Variants in TRPC4 observed in about 807,000 individuals in gnomAD.
The protein encoded by TRPC4 is transient receptor potential cation channel subfamily C member 4.
A neutral mutation model predicts 99.4 loss-of-function variants in TRPC4; 49 were observed. That is an observed-to-expected ratio of 0.49 (90% CI 0.39 to 0.63). The LOEUF (loss-of-function observed/expected upper bound fraction) is 0.63, where lower values mean the gene tolerates loss of function less well. TRPC4 is among the 20% of genes least tolerant of loss of function. The probability of loss-of-function intolerance (pLI) is 0.00; values close to 1 mark genes in which losing one functional copy is unlikely to be tolerated. For synonymous variants in TRPC4, 454 were observed against 425.9 expected (o/e 1.07, Z -0.81); for missense variants, 898 against 1,152.9 (o/e 0.78, Z 3.20).
chr13:37,847,633 T>C (rs930392747), intron 1 of TRPC4, among the ~76,000 whole-genome samples: 1 of 152,104 alleles, frequency 6.6e-6, no homozygotes, highest in African/African-American at 2.4e-5. Context: ...CCCATGAATA[T>C]GTACAATTCT....
chr13:37,848,072 C>A lies in TRPC4; in HGVS notation c.-28+21523G>T, dbSNP rs193289872. Among the ~76,000 whole-genome samples the A allele has an allele frequency of 9.2e-5, 14 of 152,182 alleles. 1 individual carries two copies. The East Asian group carries it at 2.7e-3, about 29-fold the overall frequency. ...ATTTTTCAACTTTACATGAGTTTGC[C>A]TTTTAGATTTACAATATTTTCAACT... is the stretch of plus-strand genomic sequence containing the variant. On this transcript the variant is annotated intron_variant, in intron 1 of 10. Transcript: ENST00000379705.
rs557676006 is a variant in TRPC4 at position 37,641,167 on chromosome 13, C to T, written c.2080-1868G>A. 5.3e-5 allele frequency among the ~76,000 whole-genome samples: 8 copies of T among 152,052 alleles called. No homozygotes were observed. In the East Asian group the frequency reaches 1.2e-3, roughly 22 times the overall value. On this transcript the variant is annotated intron_variant, in intron 8 of 10. Transcript: ENST00000379705. ...CTTCAGTAGAATCTTACTCATCCAA[C>T]GTCAAAAAATTTTAATACAAATATA...
intron 7 of TRPC4, among the ~76,000 whole-genome samples, chr13:37,651,685 TG>T (rs879551144): frequency 4.6e-5 from 7 of 152,202 alleles, no homozygotes; most frequent in Non-Finnish European, 1.0e-4. Flanking sequence ...CCTTCTTCAG[TG>T]AAACAGACAT....
intron 2 of TRPC4, 68 bp downstream of exon 2, chr13:37,782,888 G>A (rs9576352): frequency 0.12 from 64,063 of 540,478 alleles, 1,016 homozygotes; most frequent in East Asian, 0.35. Flanking sequence ...AAAAAAAAAA[G>A]AAAGAAAAGA....
chr13:37,834,761 C>G (rs1958516083), intron 1 of TRPC4, among the ~76,000 whole-genome samples: 1 of 152,164 alleles, frequency 6.6e-6, no homozygotes. Context: ...GAGTCTCGCT[C>G]TGTCACCCCA....
At chr13:37,643,696 T>C (rs1336022910) in intron 8 of TRPC4, among the ~76,000 whole-genome samples, 1 of 152,166 alleles carries the variant, frequency 6.6e-6, no homozygotes, top group Non-Finnish European at 1.5e-5. Context: ...TAGCGTGGAC[T>C]CTTAATGTAG....
At chr13:37,654,089 T>A (rs2138632573) in intron 7 of TRPC4, among the ~76,000 whole-genome samples, 1 of 152,270 alleles carries the variant, frequency 6.6e-6, no homozygotes, top group South Asian at 2.1e-4. Context: ...AAAAACCATC[T>A]ATTCTCATGT....
chr13:37,771,926 A>T (rs1956560056), intron 2 of TRPC4, among the ~76,000 whole-genome samples: 1 of 151,688 alleles, frequency 6.6e-6, no homozygotes, highest in Non-Finnish European at 1.5e-5. Flanking sequence ...TATAGCATGG[A>T]GACAATAGAG....
chr13:37,837,587 TG>T (rs1407367074), intron 1 of TRPC4, among the ~76,000 whole-genome samples: 1 of 152,214 alleles, frequency 6.6e-6, no homozygotes, highest in African/African-American at 2.4e-5. Flanking sequence ...CCATTTGGAA[TG>T]GCTGTATTTA....
At chr13:37,705,773 C>T (rs1179160737) in intron 3 of TRPC4, among the ~76,000 whole-genome samples, 1 of 152,068 alleles carries the variant, frequency 6.6e-6, no homozygotes, top group Non-Finnish European at 1.5e-5. Flanking sequence ...GGAAAGAGCC[C>T]CAGATAGCTC....
At chr13:37,734,671 T>C (rs2139101054) in intron 3 of TRPC4, among the ~76,000 whole-genome samples, 1 of 152,204 alleles carries the variant, frequency 6.6e-6, no homozygotes, top group East Asian at 1.9e-4. Context: ...TAATTGGCAA[T>C]TAATAAGATA....
At chr13:37,777,433 A>G (rs540966141) in intron 2 of TRPC4, among the ~76,000 whole-genome samples, 1 of 152,082 alleles carries the variant, frequency 6.6e-6, no homozygotes, top group South Asian at 2.1e-4. Flanking sequence ...GAAGTCTATC[A>G]CAGGACAGCA....
At chr13:37,817,367 A>G (rs745313208) in intron 1 of TRPC4, among the ~76,000 whole-genome samples, 1 of 152,092 alleles carries the variant, frequency 6.6e-6, no homozygotes, top group Non-Finnish European at 1.5e-5. Context: ...GCTCAAAGGA[A>G]TCACAGATGA....
At chr13:37,768,969 A>C (rs2139281539) in intron 2 of TRPC4, among the ~76,000 whole-genome samples, 1 of 151,542 alleles carries the variant, frequency 6.6e-6, no homozygotes, top group East Asian at 2.0e-4. Flanking sequence ...GCAAAAAGAA[A>C]CCCAAAGAAA....
At chr13:37,769,107 C>T (rs947138194) in intron 2 of TRPC4, among the ~76,000 whole-genome samples, 30 of 151,436 alleles carry the variant, frequency 2.0e-4, no homozygotes, top group African/African-American at 6.3e-4. Flanking sequence ...AGCATTTTAA[C>T]GAAACCTCTG....
At chr13:37,766,868 A>G (rs74047159) in intron 2 of TRPC4, among the ~76,000 whole-genome samples, 6,435 of 151,510 alleles carry the variant, frequency 0.042, 375 homozygotes, top group African/African-American at 0.13. Context: ...AGGCAGTGGC[A>G]GAGTGATTTA....
intron 4 of TRPC4, among the ~76,000 whole-genome samples, chr13:37,687,795 T>C (rs1227375904): frequency 1.3e-5 from 2 of 152,120 alleles, no homozygotes; most frequent in Non-Finnish European, 2.9e-5. Flanking sequence ...CCAATGAAAC[T>C]TTTTCTCCAG....
At chr13:37,716,662 T>C (rs1954678368) in intron 3 of TRPC4, among the ~76,000 whole-genome samples, 1 of 152,278 alleles carries the variant, frequency 6.6e-6, no homozygotes, top group Middle Eastern at 3.4e-3. Context: ...TGCTAAAATA[T>C]GAATGTTGAT....
At chr13:37,666,611 A>C (rs1369049351) in intron 5 of TRPC4, among the ~76,000 whole-genome samples, 2 of 152,218 alleles carry the variant, frequency 1.3e-5, no homozygotes, top group Non-Finnish European at 2.9e-5. Flanking sequence ...GTAGCGAATA[A>C]TTTTAATTCT....
Sources: gnomAD v4.1 joint callset for allele counts (sites outside exome capture counted in the v4.1 genomes callset) on GRCh38, gnomAD v4.1.1 for gene constraint, MANE v1.5 for transcripts, NCBI Gene and HGNC (gene_info 2026-07-23, HGNC 2026-07-21) for gene names.